The following NAV3 variants were observed in gnomAD, a reference collection of about 807,000 sequenced individuals.
NAV3 encodes the protein pore membrane and/or filament interacting like protein 1.
Under a neutral mutation model 244.7 loss-of-function variants are expected in NAV3, and 87 were observed. The ratio of observed to expected loss-of-function variants is 0.36; its 90% CI spans 0.30 to 0.42. The LOEUF (loss-of-function observed/expected upper bound fraction) is 0.42, where lower values mean the gene tolerates loss of function less well. NAV3 is among the 20% of genes least tolerant of loss of function. The pLI, the probability that NAV3 is intolerant of heterozygous loss-of-function variation, is 1.00. For missense variants in NAV3, 2,663 were observed against 2,893.3 expected (o/e 0.92, Z 1.83); for synonymous variants, 1,126 against 1,042.2 (o/e 1.08, Z -1.55).
intron 2 of NAV3, among the ~76,000 whole-genome samples, chr12:77,659,239 C>T (rs1873300341): frequency 6.6e-6 from 1 of 151,502 alleles, no homozygotes; most frequent in Admixed American, 6.6e-5. Context: ...CCAGAATCTA[C>T]AATGAATTCA....
chr12:77,974,681 A>G (rs765898208), intron 5 of NAV3, among the ~76,000 whole-genome samples: 24 of 152,170 alleles, frequency 1.6e-4, no homozygotes, highest in Admixed American at 3.3e-4. Flanking sequence ...TCAAGCAAGT[A>G]TGGGTTGGAG....
Position 77,845,505 on chromosome 12 carries a change from G to A in NAV3, c.243+13801G>A, listed in dbSNP as rs188830088. ...ACGCTTTACTTCACCATTGTTGAAT[G>A]TTTTTTCCTCCTATGTTTAAGTCAA... On this transcript the variant is annotated intron_variant, in intron 1 of 39. Transcript: ENST00000397909. Among the ~76,000 whole-genome samples the A allele has an allele frequency of 4.6e-3, 693 of 152,096 alleles. 6 individuals are homozygous for A. The highest frequency in any genetic ancestry group is 0.015 in the African/African-American group (638 of 41,480).
chr12:77,854,855 C>T (rs888202219), intron 1 of NAV3, among the ~76,000 whole-genome samples: 1 of 152,116 alleles, frequency 6.6e-6, no homozygotes, highest in African/African-American at 2.4e-5. Flanking sequence ...CAGTGGCTCA[C>T]GCCTGTAATC....
rs568153722 is a variant in NAV3, at chr12:77,718,476, A to G, written c.72+146210A>G. ...AGTGCCACATCATTTTGATTACTGT[A>G]ACTTTGTAATATGTTTGGAGGTTAG... On this transcript the variant is annotated intron_variant, in intron 2 of 8. Coordinates refer to the NAV3 transcript ENST00000550042. 7.2e-5 allele frequency among the ~76,000 whole-genome samples: 11 copies of G among 152,128 alleles called. No homozygotes were observed. In the South Asian group the frequency reaches 2.3e-3, roughly 32 times the overall value.
At chr12:77,977,204 G>C (rs1254500786) in intron 5 of NAV3, among the ~76,000 whole-genome samples, 1 of 152,018 alleles carries the variant, frequency 6.6e-6, no homozygotes, top group Non-Finnish European at 1.5e-5. Context: ...ACTTTGATGA[G>C]AGCTCTTTCA....
chr12:78,117,844 T>A (rs942206697), intron 13 of NAV3, among the ~76,000 whole-genome samples, 183 bp from the exon 14 acceptor site: 1 of 152,156 alleles, frequency 6.6e-6, no homozygotes, highest in Non-Finnish European at 1.5e-5. Context: ...ATGTATTTAT[T>A]CTGAAATTCT....
intron 3 of NAV3, 82 bp downstream of exon 3, chr12:77,941,215 T>C: frequency 2.2e-6 from 2 of 892,492 alleles, no homozygotes; most frequent in Admixed American, 2.5e-5. Flanking sequence ...ATATTATTTT[T>C]TTTCTGCATG....
intron 12 of NAV3, among the ~76,000 whole-genome samples, chr12:78,067,098 G>A (rs548061449): frequency 1.4e-4 from 22 of 152,126 alleles, no homozygotes; most frequent in East Asian, 7.7e-4. Context: ...TTCCTAAGCC[G>A]CCAAGCAAAT....
chr12:77,850,019 G>A (rs114941404), intron 1 of NAV3, among the ~76,000 whole-genome samples: 1,753 of 152,226 alleles, frequency 0.012, 29 homozygotes, highest in African/African-American at 0.04. Context: ...TTCTACGCCC[G>A]TGTCCTAAGC....
chr12:77,664,725 T>C (rs1021608480), intron 2 of NAV3, among the ~76,000 whole-genome samples: 2 of 152,286 alleles, frequency 1.3e-5, no homozygotes, highest in South Asian at 2.1e-4. Flanking sequence ...CTTTGATTTA[T>C]TTATATTTGT....
chr12:77,809,999 A>C lies in NAV3; in HGVS notation c.73-130320A>C, dbSNP rs1463410876. ...CACCTTTGATGTTGTAAAAATAATAAATTAAGTATATATTACAACCAGATT... is the reference window on the plus strand; with the variant it reads ...CACCTTTGATGTTGTAAAAATAATACATTAAGTATATATTACAACCAGATT... On this transcript the variant is annotated intron_variant, in intron 2 of 8. Transcript: ENST00000550042. 2.0e-5 allele frequency among the ~76,000 whole-genome samples: 3 copies of C among 152,334 alleles called. No individual in the cohort carries two copies. The East Asian group carries it at 5.8e-4, about 29-fold the overall frequency.
chr12:78,056,048 G>A (rs1883454171), intron 11 of NAV3: 1 of 152,128 alleles, frequency 6.6e-6, no homozygotes, highest in African/African-American at 2.4e-5. Flanking sequence ...TGCATTGATG[G>A]TCTACATGTC....
chr12:77,959,875 T>G (rs1891716551), intron 3 of NAV3, among the ~76,000 whole-genome samples: 1 of 141,236 alleles, frequency 7.1e-6, no homozygotes, highest in Admixed American at 7.4e-5. Flanking sequence ...ATCAACATCT[T>G]TTCTACTCCA....
intron 2 of NAV3, among the ~76,000 whole-genome samples, chr12:77,706,814 T>C (rs1376219379): frequency 7.9e-6 from 1 of 127,130 alleles, no homozygotes; most frequent in Admixed American, 1.1e-4. Flanking sequence ...GAGCTTGCAG[T>C]GAGCCGAGAT....
At chr12:78,129,088 T>G (rs1032210935) in intron 18 of NAV3, among the ~76,000 whole-genome samples, 4 of 152,216 alleles carry the variant, frequency 2.6e-5, no homozygotes, top group Non-Finnish European at 5.9e-5. Context: ...AGATTAATAC[T>G]GTGGTTGTTT....
intron 2 of NAV3, among the ~76,000 whole-genome samples, chr12:77,798,108 ACC>A (rs2135962329): frequency 6.6e-6 from 1 of 151,744 alleles, no homozygotes; most frequent in South Asian, 2.1e-4. Flanking sequence ...GTTGTAGCTC[ACC>A]GAGATTATGC....
chr12:77,863,052 C>T (rs1879481383), intron 1 of NAV3, among the ~76,000 whole-genome samples: 1 of 151,776 alleles, frequency 6.6e-6, no homozygotes, highest in African/African-American at 2.4e-5. Flanking sequence ...ACTTGATGAA[C>T]TGTATGCATA....
At chr12:77,690,022 A>G (rs1394632397) in intron 2 of NAV3, among the ~76,000 whole-genome samples, 1 of 151,732 alleles carries the variant, frequency 6.6e-6, no homozygotes, top group Non-Finnish European at 1.5e-5. Flanking sequence ...AATTACCAAC[A>G]TTAAGCTATT....
chr12:78,172,956 G>T (rs1293566795), intron 24 of NAV3, among the ~76,000 whole-genome samples: 1 of 151,630 alleles, frequency 6.6e-6, no homozygotes, highest in Non-Finnish European at 1.5e-5. Context: ...GTTTGAAGAT[G>T]AATAAGTCCA....
Sources: gnomAD v4.1 joint callset for allele counts (sites outside exome capture counted in the v4.1 genomes callset) on GRCh38, gnomAD v4.1.1 for gene constraint, MANE v1.5 for transcripts, NCBI Gene and HGNC (gene_info 2026-07-23, HGNC 2026-07-21) for gene names.